Variants in PDLIM5 observed in about 807,000 individuals in gnomAD.
PDLIM5 encodes the protein PDZ and LIM domain protein 5.
A neutral mutation model predicts 64.2 loss-of-function variants in PDLIM5; 34 were observed. The ratio of observed to expected loss-of-function variants is 0.53; its 90% CI spans 0.40 to 0.71. PDLIM5 has a LOEUF of 0.71. Ranked by LOEUF, PDLIM5 falls within the 30% of genes least tolerant of loss-of-function variation. The pLI, the probability that PDLIM5 is intolerant of heterozygous loss-of-function variation, is 0.00. For missense variants in PDLIM5, 683 were observed against 733.6 expected (o/e 0.93, Z 0.80); for synonymous variants, 253 against 269.1 (o/e 0.94, Z 0.59).
At chr4:94,503,517 A>G (rs888651289) in intron 2 of PDLIM5, among the ~76,000 whole-genome samples, 3 of 152,190 alleles carry the variant, frequency 2.0e-5, no homozygotes, top group Non-Finnish European at 4.4e-5. Flanking sequence ...TCACATTGGG[A>G]CAAGAAGAGC....
intron 3 of PDLIM5, among the ~76,000 whole-genome samples, chr4:94,554,915 A>G (rs543328662): frequency 1.1e-4 from 16 of 152,324 alleles, no homozygotes; most frequent in Middle Eastern, 3.4e-3. Context: ...ACAGTATTCA[A>G]TAAATAACAT....
At chr4:94,594,308 A>T (rs186782940) in intron 7 of PDLIM5, among the ~76,000 whole-genome samples, 238 of 152,250 alleles carry the variant, frequency 1.6e-3, no homozygotes, top group Admixed American at 4.8e-3. Flanking sequence ...GGTGTGTTTC[A>T]ACATGAAGAG....
intron 3 of PDLIM5, among the ~76,000 whole-genome samples, chr4:94,560,997 G>T (rs182553164): frequency 3.3e-5 from 5 of 152,114 alleles, no homozygotes; most frequent in African/African-American, 1.2e-4. Context: ...AAAGTGCTGG[G>T]ATTACAGGCT....
chr4:94,589,303 T>C (rs971202473), intron 7 of PDLIM5, among the ~76,000 whole-genome samples: 11 of 152,142 alleles, frequency 7.2e-5, no homozygotes, highest in Non-Finnish European at 1.3e-4. Flanking sequence ...CAAGAGAACA[T>C]GTATAGAGTT....
At chr4:94,581,085 T>C (rs1255029100) in intron 5 of PDLIM5, among the ~76,000 whole-genome samples, 1 of 152,118 alleles carries the variant, frequency 6.6e-6, no homozygotes, top group Non-Finnish European at 1.5e-5. Context: ...ATTTCACTGT[T>C]GAGGAAAATG....
intron 7 of PDLIM5, among the ~76,000 whole-genome samples, chr4:94,589,858 T>A (rs1358264209): frequency 5.9e-5 from 9 of 152,116 alleles, no homozygotes; most frequent in Admixed American, 5.2e-4. Context: ...TACTGCAACC[T>A]CCACCTCCCA....
chr4:94,496,128 G>T (rs1198645489), intron 2 of PDLIM5, among the ~76,000 whole-genome samples: 1 of 151,672 alleles, frequency 6.6e-6, no homozygotes, highest in East Asian at 1.9e-4. Flanking sequence ...TTACAGATTT[G>T]TTCATCAAGT....
Position 94,665,165 on chromosome 4 carries a change from T to G in PDLIM5, c.*1098T>G. 1.0e-6 allele frequency: 1 copy of G among 952,506 alleles called. No homozygotes were observed. Among genetic ancestry groups the G allele is most frequent in the South Asian group, 4.8e-5 (1 of 20,826 alleles). The allele number at this position is 952,506 out of a possible 1,614,324, so 59.0% of individuals were successfully genotyped here. A position where few individuals can be genotyped will look rare whatever the true frequency, so the allele number is the denominator to read the frequency against. ...GATTTAATTAAATAATTTTGGCCTC[T>G]CATAGTTTTCTCTCTCTTTAAAGAG... On this transcript the variant is annotated 3_prime_UTR_variant, in exon 13 of 13. Coordinates refer to ENST00000317968, the MANE Select transcript of PDLIM5 (RefSeq NM_006457.5).
chr4:94,467,706 A>G (rs111367862), intron 2 of PDLIM5, among the ~76,000 whole-genome samples: 1,811 of 152,290 alleles, frequency 0.012, 41 homozygotes, highest in African/African-American at 0.041. Context: ...GTTACATTAT[A>G]TGATAGACCC....
chr4:94,620,266 A>T (rs1489989847), intron 8 of PDLIM5, among the ~76,000 whole-genome samples: 1 of 152,182 alleles, frequency 6.6e-6, no homozygotes, highest in African/African-American at 2.4e-5. Context: ...TCACAATGTG[A>T]TAGCTTTAAG....
At chr4:94,531,418 G>A (rs1353003013) in intron 3 of PDLIM5, among the ~76,000 whole-genome samples, 1 of 152,066 alleles carries the variant, frequency 6.6e-6, no homozygotes, top group Non-Finnish European at 1.5e-5. Flanking sequence ...AATATATAAT[G>A]CCTTAGAGGT....
chr4:94,639,910 C>G (rs538515196), intron 8 of PDLIM5, among the ~76,000 whole-genome samples: 63 of 151,960 alleles, frequency 4.1e-4, no homozygotes, highest in Non-Finnish European at 1.6e-4. Flanking sequence ...GCCTGTAATC[C>G]CAGCTACTTG....
chr4:94,532,577 A>G (rs566546001), intron 3 of PDLIM5, among the ~76,000 whole-genome samples: 5 of 152,190 alleles, frequency 3.3e-5, no homozygotes, highest in Admixed American at 6.5e-5. Context: ...GCCCTCAGCA[A>G]TCCTTCCGGG....
In PDLIM5 at chr4:94,585,686, A is replaced by G. The variant is rs756777855; in HGVS notation, c.832A>G (p.Thr278Ala). The change falls in exon 6 of 13, where the codon ACT becomes GCT. Residue 278 changes from threonine to alanine, a missense_variant. Physicochemically the swap from Thr to Ala is moderately conservative, Grantham distance 58. Coordinates refer to ENST00000317968, the MANE Select transcript of PDLIM5 (RefSeq NM_006457.5). ...TEDWRPRTGT[T>A]QSRSFRILAQ... Reference sequence around the variant, plus strand: ...AGACTGGCGTCCAAGGACTGGAACAACTCAGTCTCGCTCTTTCCGAATCCT... The same window carrying G: ...AGACTGGCGTCCAAGGACTGGAACAGCTCAGTCTCGCTCTTTCCGAATCCT... 5.0e-6 allele frequency: 8 copies of G among 1,613,886 alleles called. No homozygotes were observed. The highest frequency in any genetic ancestry group is 1.7e-5 in the Admixed American group (1 of 60,004).
At chr4:94,494,868 C>T (rs1378759458) in intron 2 of PDLIM5, among the ~76,000 whole-genome samples, 2 of 152,086 alleles carry the variant, frequency 1.3e-5, no homozygotes, top group African/African-American at 2.4e-5. Context: ...CCTGCCTTAG[C>T]CTCCCGAGTA....
In PDLIM5 at chr4:94,524,323, C is replaced by T. The variant is rs189546202; in HGVS notation, c.248+448C>T. 1.1e-4 allele frequency among the ~76,000 whole-genome samples: 16 copies of T among 140,850 alleles called. No individual in the cohort carries two copies. In the East Asian group the frequency reaches 2.1e-3, roughly 19 times the overall value. The allele number at this position is 140,850 out of a possible 152,430, so 92.4% of individuals were successfully genotyped here. On this transcript the variant is annotated intron_variant, in intron 3 of 12. Transcript: ENST00000317968. ...GGTCGAGGTTGCATTAAGCTCTGAT[C>T]GTGCCACCACACTCCAGTCTGGGTG...
At chr4:94,617,437 G>C (rs1043499486) in intron 7 of PDLIM5, among the ~76,000 whole-genome samples, 1 of 151,904 alleles carries the variant, frequency 6.6e-6, no homozygotes, top group Non-Finnish European at 1.5e-5. Flanking sequence ...TTGTTTTGTG[G>C]CCAGTGCATA....
intron 2 of PDLIM5, among the ~76,000 whole-genome samples, chr4:94,519,629 A>C (rs1437266859): frequency 2.0e-5 from 3 of 152,194 alleles, no homozygotes; most frequent in Non-Finnish European, 4.4e-5. Context: ...AAACAGAGGA[A>C]TGATGAAGCA....
intron 2 of PDLIM5, among the ~76,000 whole-genome samples, chr4:94,520,456 A>G (rs898408126): frequency 3.3e-5 from 5 of 152,194 alleles, no homozygotes; most frequent in African/African-American, 1.2e-4. Flanking sequence ...AAACAGTGAA[A>G]CAAACAAATC....
Sources: allele counts gnomAD v4.1 joint callset (sites outside exome capture counted in the v4.1 genomes callset), GRCh38; gene constraint gnomAD v4.1.1; transcripts MANE v1.5; gene names NCBI Gene and HGNC (gene_info 2026-07-23, HGNC 2026-07-21).